The following KANK2 variants were observed in gnomAD, a reference collection of about 807,000 sequenced individuals.
KANK2 encodes the protein KN motif and ankyrin repeat domain-containing protein 2.
KANK2 carries 41 observed loss-of-function variants against 74.6 expected under a neutral mutation model. The ratio of observed to expected loss-of-function variants is 0.55; its 90% CI spans 0.43 to 0.71. The LOEUF (loss-of-function observed/expected upper bound fraction) is 0.71. Among genes scored for constraint, KANK2 ranks in the 30% least tolerant of loss-of-function variants. KANK2 has a pLI of 0.00. For missense variants in KANK2, 1,148 were observed against 1,196.4 expected (o/e 0.96, Z 0.60); for synonymous variants, 537 against 519.0 (o/e 1.03, Z -0.47).
chr19:11,177,203 G>C (rs771561166), intron 6 of KANK2, among the ~76,000 whole-genome samples: 1 of 144,828 alleles, frequency 6.9e-6, no homozygotes, highest in African/African-American at 2.6e-5. Flanking sequence ...TCTTCTGCCT[G>C]AGCCTTCCAA....
rs1190011489 is a variant in KANK2, at chr19:11,192,982, G to T, written c.1098C>A (p.Ala366=). 1.2e-6 allele frequency: 2 copies of T among 1,614,030 alleles called. No homozygotes were observed. Among genetic ancestry groups the T allele is most frequent in the Non-Finnish European group, 1.7e-6 (2 of 1,179,984 alleles). The change falls in exon 4 of 13, where the codon GCC becomes GCA. Residue 366 remains alanine, a synonymous_variant. Coordinates refer to ENST00000586659, the MANE Select transcript of KANK2 (RefSeq NM_001136191.3). Reference sequence around the variant, plus strand: ...TCTCAGGCCTACCAGGCATTGCCAGGGCCCTCAGCCCTGTGCCGTAAGGCT... The same window carrying T: ...TCTCAGGCCTACCAGGCATTGCCAGTGCCCTCAGCCCTGTGCCGTAAGGCT... The part of the protein sequence containing the change: ...SLEPYGTGLR[A]LAMPGRPESP...
chr19:11,176,119 C>T, intron 7 of KANK2, 130 bp from the exon 8 acceptor site: 1 of 652,808 alleles, frequency 1.5e-6, no homozygotes, highest in Non-Finnish European at 2.7e-6. Context: ...CCTCCTTCAC[C>T]CGGGACACAC....
At chr19:11,187,175 T>C (rs545854556) in intron 4 of KANK2, among the ~76,000 whole-genome samples, 4 of 151,962 alleles carry the variant, frequency 2.6e-5, no homozygotes, top group Non-Finnish European at 5.9e-5. Flanking sequence ...GAGAATTGCT[T>C]GAACCCGGGA....
chr19:11,180,327 G>A (rs142939714), intron 4 of KANK2, among the ~76,000 whole-genome samples: 2 of 151,968 alleles, frequency 1.3e-5, no homozygotes, highest in East Asian at 1.9e-4. Context: ...ACTCCAGAGC[G>A]CAAGGGATCC....
intron 4 of KANK2, among the ~76,000 whole-genome samples, chr19:11,183,538 G>C (rs536984329): frequency 6.6e-6 from 1 of 152,320 alleles, no homozygotes; most frequent in African/African-American, 2.4e-5. Context: ...GTCCAGGCTG[G>C]AGCGCAGTGG....
chr19:11,196,680 C>A (rs1173708533), intron 1 of KANK2: 1 of 152,314 alleles, frequency 6.6e-6, no homozygotes, highest in Non-Finnish European at 1.5e-5. Context: ...AGAAAGGAGA[C>A]GAGGGGGTGT....
chr19:11,179,555 T>C (rs538830623), intron 4 of KANK2, among the ~76,000 whole-genome samples: 2 of 150,264 alleles, frequency 1.3e-5, no homozygotes, highest in African/African-American at 4.9e-5. Context: ...GGAGAATTGC[T>C]TGAACCCGGG....
intron 2 of KANK2, 137 bp from the exon 3 acceptor site, chr19:11,194,727 C>T (rs1240154897): frequency 5.8e-6 from 3 of 516,142 alleles, no homozygotes; most frequent in Non-Finnish European, 1.1e-5. Flanking sequence ...GCACACCCAG[C>T]CTGGCTGCGG....
At position 11,193,328 on chromosome 19, in the gene KANK2, T is replaced by G. The variant is rs1198478391; in HGVS notation, c.752A>C (p.Asp251Ala). 20 of 1,610,752 alleles carry G rather than the reference T, an allele frequency of 1.2e-5. No individual in the cohort carries two copies. The highest frequency in any genetic ancestry group is 1.7e-5 in the Non-Finnish European group (20 of 1,179,488). ...TGGGTCCTCTGGGGGATCGGGGAGG[T>G]CCAGGCAGAGCTCGCTGCGACCCCG... is the stretch of plus-strand genomic sequence containing the variant. ...AGRGRSELCL[D>A]LPDPPEDPVA... is the part of the protein sequence containing the mutation. The change falls in exon 4 of 13, where the codon GAC becomes GCC. Residue 251 changes from aspartate to alanine, a missense_variant. Asp to Ala is a moderately radical substitution (Grantham distance 126, BLOSUM62 -2). Coordinates refer to ENST00000586659, the MANE Select transcript of KANK2 (RefSeq NM_001136191.3). The surrounding 1 kb of genome is among the most constrained non-coding windows in gnomAD (Gnocchi z 9.6).
chr19:11,183,348 T>G (rs528483517), intron 4 of KANK2, among the ~76,000 whole-genome samples: 1 of 152,176 alleles, frequency 6.6e-6, no homozygotes, highest in Non-Finnish European at 1.5e-5. Flanking sequence ...TTACTTTACA[T>G]GAGAAGAGCC....
At chr19:11,172,951 C>T (rs931753981) in intron 10 of KANK2, 30 bp downstream of exon 10, 1 of 1,605,998 alleles carries the variant, frequency 6.2e-7, no homozygotes, top group Non-Finnish European at 8.5e-7. Flanking sequence ...GAAGAGCCAC[C>T]TGGATCTGCA....
At chr19:11,167,238 C>T (rs984340208) in intron 12 of KANK2, among the ~76,000 whole-genome samples, 24 of 151,440 alleles carry the variant, frequency 1.6e-4, no homozygotes, top group Non-Finnish European at 2.9e-4. Context: ...GCTAATTTTG[C>T]GTTTTTAGTA....
intron 12 of KANK2, among the ~76,000 whole-genome samples, chr19:11,169,048 T>TA (rs1465239307): frequency 2.0e-5 from 3 of 151,698 alleles, no homozygotes; most frequent in Non-Finnish European, 4.4e-5. Flanking sequence ...CAAAAGATGT[T>TA]AAAAAATGTC....
At chr19:11,179,405 G>T (rs1170808466) in intron 4 of KANK2, among the ~76,000 whole-genome samples, 4 of 151,824 alleles carry the variant, frequency 2.6e-5, no homozygotes, top group African/African-American at 7.2e-5. Context: ...TTAGGAGGCT[G>T]AGGCGGGCAG....
Position 11,176,619 on chromosome 19 carries a change from A to C in KANK2, c.1719T>G (p.Thr573=). 6.2e-7 allele frequency: 1 copy of C among 1,609,416 alleles called. No individual in the cohort carries two copies. Among genetic ancestry groups the C allele is most frequent in the Non-Finnish European group, 8.5e-7 (1 of 1,177,702 alleles). ...QLSRESQHIP[T]AEGASGSNTE... The stretch of plus-strand genomic sequence containing the variant: ...TGTTTGATCCTGATGCCCCCTCAGC[A>C]GTGGGTATGTGCTGAGATTCTCGAG... Residue 573 remains threonine, a synonymous_variant, in exon 7 of 13, where the codon ACT becomes ACG. Coordinates refer to ENST00000586659, the MANE Select transcript of KANK2 (RefSeq NM_001136191.3).
At position 11,169,618 on chromosome 19, in the gene KANK2, T is replaced by C. The variant is rs929155288; in HGVS notation, c.2502+259A>G. 8.7e-6 allele frequency: 5 copies of C among 572,560 alleles called. No individual in the cohort carries two copies. In the East Asian group the frequency reaches 8.8e-5, roughly 10 times the overall value. The allele number at this position is 572,560 out of a possible 1,614,324, so 35.5% of individuals were successfully genotyped here. A position where few individuals can be genotyped will look rare whatever the true frequency, so the allele number is the denominator to read the frequency against. Reference sequence around the variant, plus strand: ...GAGTTTGAGACCAGCCTGACCATCATGGTGAAACCCCGTCTCTACTAAAAA... The same window carrying C: ...GAGTTTGAGACCAGCCTGACCATCACGGTGAAACCCCGTCTCTACTAAAAA... On this transcript the variant is annotated intron_variant, in intron 12 of 12. Coordinates refer to ENST00000586659, the MANE Select transcript of KANK2 (RefSeq NM_001136191.3).
At position 11,193,046 on chromosome 19, in the gene KANK2, G is replaced by A. The variant is rs2078900461; in HGVS notation, c.1034C>T (p.Thr345Ile). Residue 345 changes from threonine to isoleucine, a missense_variant, in exon 4 of 13, where the codon ACA (threonine) becomes ATA (isoleucine). Physicochemically the swap from Thr to Ile is moderately conservative, Grantham distance 89. Coordinates refer to ENST00000586659, the MANE Select transcript of KANK2 (RefSeq NM_001136191.3). This position sits in a 1 kb window ranked among gnomAD's most constrained non-coding sequence, Gnocchi z 9.6. ...CCGCTGTGCGGGGGCGCCAGCGGCT[G>A]TGCTGGCCACCACCTCCACCTCCCG... ...GPREVEVVAS[T>I]AAGAPAQRAQ... The A allele has an allele frequency of 5.6e-6, 9 of 1,611,446 alleles. No individual in the cohort carries two copies. The highest frequency in any genetic ancestry group is 7.6e-6 in the Non-Finnish European group (9 of 1,178,996).
At chr19:11,187,340 G>GT (rs35449748) in intron 4 of KANK2, among the ~76,000 whole-genome samples, 10,021 of 152,158 alleles carry the variant, frequency 0.066, 382 homozygotes, top group Admixed American at 0.09. Context: ...CAAAAATAGT[G>GT]TAAGGAGAGG....
rs139512726 is a variant in KANK2, at chr19:11,194,502, C to T, written c.10G>A (p.Val4Ile). Residue 4 changes from valine (V) to isoleucine (I), a missense_variant, in exon 3 of 13, where the codon GTC (valine) becomes ATC (isoleucine). Val to Ile is a conservative substitution (Grantham distance 29). Transcript: ENST00000586659. ...GGGAAGGGAGCAGGCACGTGCAGGACCTGGGCCATCTTCTTTTCTACAGAT... is the reference window on the plus strand; with the variant it reads ...GGGAAGGGAGCAGGCACGTGCAGGATCTGGGCCATCTTCTTTTCTACAGAT... MAQ[V>I]LHVPAPFPGT... 7,755 of 1,612,722 alleles carry T rather than the reference C, an allele frequency of 4.8e-3. 14 individuals are homozygous for T. Among genetic ancestry groups the T allele is most frequent in the Non-Finnish European group, 5.9e-3 (6,921 of 1,179,366 alleles).
Sources: gnomAD v4.1 joint callset for allele counts (sites outside exome capture counted in the v4.1 genomes callset) on GRCh38, gnomAD v4.1.1 for gene constraint, Gnocchi (gnomAD v3.1) non-coding constraint, MANE v1.5 for transcripts, NCBI Gene and HGNC (gene_info 2026-07-23, HGNC 2026-07-21) for gene names.